LHFPL3: variants seen among roughly 807,000 people sequenced by gnomAD.
LHFPL3 encodes LHFPL tetraspan subfamily member 3 protein.
LHFPL3 carries 5 observed loss-of-function variants against 19.3 expected under a neutral mutation model. That is an observed-to-expected ratio of 0.26 (90% CI 0.14 to 0.54). LHFPL3 has a LOEUF of 0.54. Ranked by LOEUF, LHFPL3 falls within the 20% of genes least tolerant of loss-of-function variation. The pLI is 0.94. For missense variants in LHFPL3, 249 were observed against 307.4 expected (o/e 0.81, Z 1.42); for synonymous variants, 133 against 126.2 (o/e 1.05, Z -0.36).
At chr7:104,548,256 T>C (rs1194729371) in intron 1 of LHFPL3, among the ~76,000 whole-genome samples, 1 of 152,216 alleles carries the variant, frequency 6.6e-6, no homozygotes. Context: ...GTTCTCCAGT[T>C]GCATGTGTGT....
At chr7:104,838,574 C>A (rs886695628) in intron 2 of LHFPL3, among the ~76,000 whole-genome samples, 6 of 152,216 alleles carry the variant, frequency 3.9e-5, no homozygotes, top group African/African-American at 1.4e-4. Flanking sequence ...TTTCCAGAAT[C>A]TGACTTGTAG....
chr7:104,883,722 G>A (rs1182835702), intron 2 of LHFPL3, among the ~76,000 whole-genome samples: 2 of 152,166 alleles, frequency 1.3e-5, no homozygotes, highest in Non-Finnish European at 2.9e-5. Context: ...GGAGAAAAGA[G>A]TTTGCGTGTC....
At chr7:104,382,140 A>G (rs929125534) in intron 1 of LHFPL3, among the ~76,000 whole-genome samples, 2 of 152,108 alleles carry the variant, frequency 1.3e-5, no homozygotes, top group African/African-American at 4.8e-5. Context: ...GAAATTTTGA[A>G]TGTCTAAGGT....
intron 2 of LHFPL3, among the ~76,000 whole-genome samples, chr7:104,763,268 T>G (rs1484472415): frequency 1.3e-5 from 2 of 152,158 alleles, no homozygotes; most frequent in Non-Finnish European, 2.9e-5. Flanking sequence ...TATTTCTTTG[T>G]GTTGGTCTCT....
Position 104,355,542 on chromosome 7 carries a change from A to G in LHFPL3, c.445+26318A>G, listed in dbSNP as rs146508961. Among the ~76,000 whole-genome samples, 539 of 152,240 alleles carry G rather than the reference A, an allele frequency of 3.5e-3. 3 individuals are homozygous for G. The highest frequency in any genetic ancestry group is 0.012 in the African/African-American group (502 of 41,540). On this transcript the variant is annotated intron_variant, in intron 1 of 2. Coordinates refer to ENST00000424859, the MANE Select transcript of LHFPL3 (RefSeq NM_199000.3). ...ACAATTGCTTGTTGTCTGTTTATTC[A>G]CCTATTGACGTTTTTCAAGCACCCA... is the stretch of plus-strand genomic sequence containing the variant.
At chr7:104,681,405 A>G (rs1483193094) in intron 1 of LHFPL3, among the ~76,000 whole-genome samples, 1 of 152,106 alleles carries the variant, frequency 6.6e-6, no homozygotes, top group Non-Finnish European at 1.5e-5. Context: ...CAGGTAGATC[A>G]CAAGGTCAGA....
intron 2 of LHFPL3, among the ~76,000 whole-genome samples, chr7:104,780,270 C>T (rs75794469): frequency 0.028 from 4,236 of 152,288 alleles, 191 homozygotes; most frequent in African/African-American, 0.095. Context: ...AGAGCAGAGA[C>T]CCCGACAGGA....
At chr7:104,643,103 C>G (rs1791866976) in intron 1 of LHFPL3, among the ~76,000 whole-genome samples, 1 of 152,196 alleles carries the variant, frequency 6.6e-6, no homozygotes, top group African/African-American at 2.4e-5. Context: ...GGGCATGAAT[C>G]TGAAGTCTAA....
At chr7:104,466,101 C>G (rs1562906141) in intron 1 of LHFPL3, among the ~76,000 whole-genome samples, 1 of 152,178 alleles carries the variant, frequency 6.6e-6, no homozygotes, top group Non-Finnish European at 1.5e-5. Context: ...ATGTTAAGTT[C>G]AGGTCCTGAA....
chr7:104,526,751 A>C (rs1340513231), intron 1 of LHFPL3, among the ~76,000 whole-genome samples: 1 of 152,234 alleles, frequency 6.6e-6, no homozygotes, highest in Non-Finnish European at 1.5e-5. Flanking sequence ...TGGCTCTGTG[A>C]ATCTAGCATT....
intron 1 of LHFPL3, among the ~76,000 whole-genome samples, chr7:104,592,979 T>G (rs1361785649): frequency 2.0e-5 from 3 of 152,070 alleles, no homozygotes; most frequent in African/African-American, 4.8e-5. Context: ...TGGCATTGAA[T>G]GAAACCAGCT....
intron 1 of LHFPL3, among the ~76,000 whole-genome samples, chr7:104,333,214 T>C (rs1801603942): frequency 6.6e-6 from 1 of 152,228 alleles, no homozygotes; most frequent in South Asian, 2.1e-4. Flanking sequence ...ATACCTTGAA[T>C]TGTTTCCAGA....
chr7:104,521,391 G>C (rs1370876964), intron 1 of LHFPL3, among the ~76,000 whole-genome samples: 3 of 152,086 alleles, frequency 2.0e-5, no homozygotes, highest in Non-Finnish European at 4.4e-5. Context: ...TTTTGAATAG[G>C]TGTGGTGTGG....
intron 1 of LHFPL3, among the ~76,000 whole-genome samples, chr7:104,393,073 A>C (rs964559048): frequency 3.9e-5 from 6 of 152,360 alleles, no homozygotes; most frequent in African/African-American, 1.4e-4. Context: ...CAAGATGGTC[A>C]GCATCATTAG....
chr7:104,889,762 G>A (rs1048572596), intron 2 of LHFPL3, among the ~76,000 whole-genome samples: 9 of 152,304 alleles, frequency 5.9e-5, no homozygotes, highest in South Asian at 2.1e-4. Context: ...AGATTTCAAC[G>A]AGAACTGAAA....
intron 1 of LHFPL3, among the ~76,000 whole-genome samples, chr7:104,501,644 CCA>C (rs1793600645): frequency 2.0e-5 from 3 of 152,142 alleles, no homozygotes; most frequent in Admixed American, 2.0e-4. Flanking sequence ...TCTCTGACGT[CCA>C]CCATAAACTA....
intron 2 of LHFPL3, among the ~76,000 whole-genome samples, chr7:104,860,964 T>C (rs1364570028): frequency 6.6e-6 from 1 of 152,236 alleles, no homozygotes. Flanking sequence ...CCAGAGGCAA[T>C]GCCATCTCAG....
intron 1 of LHFPL3, among the ~76,000 whole-genome samples, chr7:104,534,979 GA>G (rs1327757534): frequency 2.0e-5 from 3 of 152,134 alleles, no homozygotes; most frequent in African/African-American, 7.2e-5. Flanking sequence ...GATTGACACA[GA>G]ACTGGGCATA....
At chr7:104,653,556 T>C (rs778032897) in intron 1 of LHFPL3, among the ~76,000 whole-genome samples, 14 of 152,200 alleles carry the variant, frequency 9.2e-5, no homozygotes, top group Non-Finnish European at 1.9e-4. Context: ...TTCTTGTTCT[T>C]TTAACCCCAT....
Sources: gnomAD v4.1 joint callset for allele counts (sites outside exome capture counted in the v4.1 genomes callset) on GRCh38, gnomAD v4.1.1 for gene constraint, MANE v1.5 for transcripts, NCBI Gene and HGNC (gene_info 2026-07-23, HGNC 2026-07-21) for gene names.